The following MACROD2 variants were observed in gnomAD, a reference collection of about 807,000 sequenced individuals.
MACROD2 encodes ADP-ribose glycohydrolase MACROD2.
A neutral mutation model predicts 70.4 loss-of-function variants in MACROD2; 36 were observed. That is an observed-to-expected ratio of 0.51 (90% CI 0.39 to 0.68). The LOEUF is 0.68. Among genes scored for constraint, MACROD2 ranks in the 30% least tolerant of loss-of-function variants. The pLI, the probability that MACROD2 is intolerant of heterozygous loss-of-function variation, is 0.00. For missense variants in MACROD2, 496 were observed against 538.4 expected (o/e 0.92, Z 0.78); for synonymous variants, 172 against 178.8 (o/e 0.96, Z 0.30).
chr20:14,946,890 A>G (rs1452326792), intron 5 of MACROD2, among the ~76,000 whole-genome samples: 1 of 152,174 alleles, frequency 6.6e-6, no homozygotes, highest in African/African-American at 2.4e-5. Flanking sequence ...ATGGCTGATG[A>G]AAGTATGGAC....
intron 5 of MACROD2, among the ~76,000 whole-genome samples, chr20:15,227,397 C>T (rs908211652): frequency 6.6e-6 from 1 of 151,794 alleles, no homozygotes. Context: ...CTCCCTCGCC[C>T]CCGTTAATAT....
chr20:15,373,333 CT>C (rs2045519045), intron 6 of MACROD2, among the ~76,000 whole-genome samples: 1 of 152,154 alleles, frequency 6.6e-6, no homozygotes, highest in East Asian at 1.9e-4. Context: ...TATTTATTAT[CT>C]TCAAAACTGA....
At chr20:14,119,231 G>A (rs544481128) in intron 3 of MACROD2, among the ~76,000 whole-genome samples, 11 of 136,214 alleles carry the variant, frequency 8.1e-5, no homozygotes, top group African/African-American at 2.8e-4. Context: ...TCAGTAATGC[G>A]ATCTTGGCTC....
At chr20:15,230,941 A>T (rs561155703) in intron 6 of MACROD2, among the ~76,000 whole-genome samples, 1 of 152,234 alleles carries the variant, frequency 6.6e-6, no homozygotes, top group East Asian at 1.9e-4. Flanking sequence ...GGCAGAAAAA[A>T]TAGTTAAATG....
At chr20:14,491,584 A>T (rs1490072920) in intron 3 of MACROD2, among the ~76,000 whole-genome samples, 1 of 152,224 alleles carries the variant, frequency 6.6e-6, no homozygotes, top group Non-Finnish European at 1.5e-5. Context: ...CAGAACTGGA[A>T]TTCCAATTCT....
chr20:15,356,060 T>G (rs901484756), intron 6 of MACROD2, among the ~76,000 whole-genome samples: 8 of 152,174 alleles, frequency 5.3e-5, no homozygotes, highest in African/African-American at 9.6e-5. Context: ...TGCTTCAACT[T>G]CCTATCTTCC....
chr20:14,741,854 G>A (rs952289099), intron 5 of MACROD2, among the ~76,000 whole-genome samples: 7 of 151,828 alleles, frequency 4.6e-5, no homozygotes, highest in African/African-American at 1.7e-4. Flanking sequence ...AAAAACTAAA[G>A]CAGTTGTTTG....
chr20:15,069,802 G>A (rs2075605244), intron 5 of MACROD2, among the ~76,000 whole-genome samples: 1 of 152,230 alleles, frequency 6.6e-6, no homozygotes. Flanking sequence ...CCAGGCAGTA[G>A]CCTGCTACAG....
intron 4 of MACROD2, among the ~76,000 whole-genome samples, chr20:14,670,310 A>C (rs1384140449): frequency 1.3e-5 from 2 of 152,090 alleles, no homozygotes; most frequent in Non-Finnish European, 2.9e-5. Flanking sequence ...GAGTAAATTC[A>C]GCCTCATTGT....
At chr20:14,260,956 A>G (rs896359681) in intron 3 of MACROD2, among the ~76,000 whole-genome samples, 1 of 152,192 alleles carries the variant, frequency 6.6e-6, no homozygotes, top group African/African-American at 2.4e-5. Context: ...CATTTCCTTC[A>G]ATGGCTTAAG....
chr20:15,850,642 G>C (rs1453291096), intron 8 of MACROD2, among the ~76,000 whole-genome samples: 2 of 152,316 alleles, frequency 1.3e-5, no homozygotes, highest in South Asian at 4.2e-4. Flanking sequence ...CATCTGCAGA[G>C]ATGTGTCTTG....
chr20:14,843,697 T>TCAAAAAG (rs1197899995), intron 5 of MACROD2, among the ~76,000 whole-genome samples: 1 of 152,136 alleles, frequency 6.6e-6, no homozygotes, highest in Non-Finnish European at 1.5e-5. Flanking sequence ...TTCTGAGAAC[T>TCAAAAAG]TTTGTTTTCT....
intron 5 of MACROD2, among the ~76,000 whole-genome samples, chr20:14,921,451 G>A (rs2074162400): frequency 6.6e-6 from 1 of 152,150 alleles, no homozygotes; most frequent in Admixed American, 6.5e-5. Context: ...AGAATAGAGA[G>A]TTTTGGATAC....
intron 4 of MACROD2, among the ~76,000 whole-genome samples, chr20:14,646,754 T>G (rs1985415168): frequency 6.6e-6 from 1 of 152,118 alleles, no homozygotes; most frequent in Non-Finnish European, 1.5e-5. Context: ...ATATTTCAAA[T>G]CATTAATTCA....
intron 5 of MACROD2, among the ~76,000 whole-genome samples, chr20:14,737,422 A>C (rs922801291): frequency 2.6e-5 from 4 of 152,138 alleles, no homozygotes; most frequent in Non-Finnish European, 2.9e-5. Context: ...ATACATGTGC[A>C]TGTGTCTTTA....
intron 5 of MACROD2, among the ~76,000 whole-genome samples, chr20:14,994,361 G>A (rs1188618795): frequency 1.3e-5 from 2 of 152,114 alleles, no homozygotes; most frequent in African/African-American, 2.4e-5. Context: ...GCTCTGGAAG[G>A]AAAGAGTGTG....
intron 5 of MACROD2, among the ~76,000 whole-genome samples, chr20:14,841,719 G>C (rs1482738558): frequency 4.6e-5 from 7 of 152,036 alleles, no homozygotes; most frequent in Non-Finnish European, 2.9e-5. Context: ...ATTATTATAA[G>C]TAAACTTGAG....
chr20:15,006,220 C>A (rs2075036479), intron 5 of MACROD2, among the ~76,000 whole-genome samples: 1 of 145,052 alleles, frequency 6.9e-6, no homozygotes, highest in African/African-American at 2.6e-5. Context: ...AGAGGGAAAT[C>A]CTGGAGGATA....
rs757255381 is a variant in MACROD2 at position 15,431,588 on chromosome 20, G to A, written c.571+153G>A. ...GTCAAATCCCATTAAAGAATGTCAT[G>A]AGGCTATTCAGATTCTTTTGGGTTC... On this transcript the variant is annotated intron_variant, in intron 7 of 17. Coordinates refer to ENST00000684519, the MANE Select transcript of MACROD2 (RefSeq NM_001351661.2). Among the ~76,000 whole-genome samples the A allele has an allele frequency of 1.4e-3, 209 of 152,190 alleles. 1 individual carries two copies. The highest frequency in any genetic ancestry group is 3.4e-3 in the Middle Eastern group (1 of 294).
Sources: gnomAD v4.1 joint callset for allele counts (sites outside exome capture counted in the v4.1 genomes callset) on GRCh38, gnomAD v4.1.1 for gene constraint, MANE v1.5 for transcripts, NCBI Gene and HGNC (gene_info 2026-07-23, HGNC 2026-07-21) for gene names.